FAM210A: variants seen among roughly 807,000 people sequenced by gnomAD.
The protein encoded by FAM210A is family with sequence similarity 210 member A.
FAM210A carries 13 observed loss-of-function variants against 25.3 expected under a neutral mutation model. The observed-to-expected ratio is 0.51, with a 90% CI of 0.33 to 0.82. The LOEUF (loss-of-function observed/expected upper bound fraction) is 0.82. FAM210A is among the 40% of genes least tolerant of loss of function. FAM210A has a pLI of 0.02. For synonymous variants in FAM210A, 125 were observed against 118.7 expected (o/e 1.05, Z -0.35); for missense variants, 319 against 323.2 (o/e 0.99, Z 0.10).
At chr18:13,707,516 T>C (rs1203071241) in intron 1 of FAM210A, among the ~76,000 whole-genome samples, 1 of 152,160 alleles carries the variant, frequency 6.6e-6, no homozygotes, top group Admixed American at 6.5e-5. Context: ...TTCCCAGTGG[T>C]TTTCAAAACC....
chr18:13,718,438 T>TA (rs1430378770), intron 1 of FAM210A, among the ~76,000 whole-genome samples: 1 of 152,070 alleles, frequency 6.6e-6, no homozygotes, highest in Non-Finnish European at 1.5e-5. Context: ...AGAGGCCCCT[T>TA]AGTATCATCC....
At chr18:13,717,081 A>G (rs2043866898) in intron 1 of FAM210A, among the ~76,000 whole-genome samples, 1 of 152,208 alleles carries the variant, frequency 6.6e-6, no homozygotes, top group East Asian at 1.9e-4. Context: ...TGCAGCTGAA[A>G]GCAGCTTACT....
At chr18:13,687,630 G>GCA (rs1221288656) in intron 1 of FAM210A, 3 of 152,190 alleles carry the variant, frequency 2.0e-5, no homozygotes, top group Admixed American at 2.0e-4. Context: ...TGTAAGGAGG[G>GCA]CACTGTACAT....
chr18:13,674,257 A>G (rs1447598666), intron 2 of FAM210A, among the ~76,000 whole-genome samples: 3 of 69,992 alleles, frequency 4.3e-5, no homozygotes, highest in Non-Finnish European at 7.8e-5. Flanking sequence ...GATTATTAAC[A>G]TTCCTGAGCC....
intron 1 of FAM210A, among the ~76,000 whole-genome samples, chr18:13,692,718 T>C (rs2043657489): frequency 6.6e-6 from 1 of 152,188 alleles, no homozygotes; most frequent in Non-Finnish European, 1.5e-5. Context: ...AGACACAACA[T>C]ACCAGAATCT....
intron 1 of FAM210A, among the ~76,000 whole-genome samples, chr18:13,705,012 G>C (rs1425888531): frequency 6.6e-6 from 1 of 152,114 alleles, no homozygotes; most frequent in East Asian, 1.9e-4. Context: ...CTTGAATACA[G>C]GTTTCTAATA....
chr18:13,720,263 CAGA>C (rs1394354883), intron 1 of FAM210A, among the ~76,000 whole-genome samples: 2 of 152,162 alleles, frequency 1.3e-5, no homozygotes, highest in African/African-American at 2.4e-5. Context: ...TTTCAAGCAC[CAGA>C]AGATCTGCTG....
chr18:13,696,913 C>A (rs2043699099), intron 1 of FAM210A, among the ~76,000 whole-genome samples: 1 of 152,196 alleles, frequency 6.6e-6, no homozygotes, highest in Admixed American at 6.5e-5. Context: ...CCCAGAGCAA[C>A]TTCCAGTACT....
rs567802716 is a variant in FAM210A, at chr18:13,685,722, A to C, written c.-28-3617T>G. ...TGCCTCCCTAAAACGTTTAAAGCCA[A>C]GCTGTAACCCAACTACCTTAGGCAC... On this transcript the variant is annotated intron_variant, in intron 1 of 3. Coordinates refer to ENST00000651643, the MANE Select transcript of FAM210A (RefSeq NM_152352.4). Among the ~76,000 whole-genome samples the C allele has an allele frequency of 2.8e-4, 43 of 152,324 alleles. No individual in the cohort carries two copies. In the Middle Eastern group the frequency reaches 0.017, roughly 60 times the overall value.
chr18:13,717,896 C>A (rs2043873235), intron 1 of FAM210A, among the ~76,000 whole-genome samples: 1 of 152,118 alleles, frequency 6.6e-6, no homozygotes, highest in Admixed American at 6.5e-5. Context: ...AAACAAGGTA[C>A]CGTATGATGA....
intron 3 of FAM210A, among the ~76,000 whole-genome samples, chr18:13,667,591 C>A (rs1035587186): frequency 3.3e-5 from 5 of 152,082 alleles, no homozygotes. Flanking sequence ...TGGTGGCAGG[C>A]ACCTGTAATC....
intron 1 of FAM210A, among the ~76,000 whole-genome samples, chr18:13,718,591 T>C (rs967917724): frequency 6.6e-6 from 1 of 152,138 alleles, no homozygotes; most frequent in African/African-American, 2.4e-5. Flanking sequence ...ATTGCTCATA[T>C]GTATAAATTG....
chr18:13,678,793 AAC>A (rs1249002499), intron 2 of FAM210A, among the ~76,000 whole-genome samples: 1 of 152,212 alleles, frequency 6.6e-6, no homozygotes, highest in Admixed American at 6.5e-5. Context: ...CAGATGAAGA[AAC>A]ACACAAGGAC....
chr18:13,720,536 C>T (rs1422782480), intron 1 of FAM210A, among the ~76,000 whole-genome samples: 2 of 152,108 alleles, frequency 1.3e-5, no homozygotes, highest in Non-Finnish European at 2.9e-5. Flanking sequence ...AGGTGGAAGG[C>T]CCCTGAATAT....
chr18:13,702,521 T>G (rs144690050), intron 1 of FAM210A, among the ~76,000 whole-genome samples: 205 of 152,332 alleles, frequency 1.3e-3, no homozygotes, highest in African/African-American at 4.6e-3. Context: ...CGGAGCTTGA[T>G]CCTGTGACCA....
intron 1 of FAM210A, among the ~76,000 whole-genome samples, chr18:13,704,569 G>C (rs116362244): frequency 0.012 from 1,890 of 152,232 alleles, 42 homozygotes; most frequent in African/African-American, 0.04. Flanking sequence ...TCAAATTTCA[G>C]CTTCAAAATT....
chr18:13,688,781 G>A (rs991046100), intron 1 of FAM210A, among the ~76,000 whole-genome samples: 5 of 152,242 alleles, frequency 3.3e-5, no homozygotes, highest in African/African-American at 4.8e-5. Context: ...GGGCCTTGGG[G>A]TTGCAGGCAC....
At chr18:13,702,018 C>T (rs1265980552) in intron 1 of FAM210A, among the ~76,000 whole-genome samples, 1 of 152,194 alleles carries the variant, frequency 6.6e-6, no homozygotes, top group African/African-American at 2.4e-5. Context: ...TGGGCAGCAA[C>T]TTGCAAAATT....
chr18:13,676,246 T>G (rs1459111702), intron 2 of FAM210A, among the ~76,000 whole-genome samples: 1 of 135,076 alleles, frequency 7.4e-6, no homozygotes, highest in African/African-American at 2.9e-5. Flanking sequence ...ATTATTAACA[T>G]TCCTGAGCCC....
Sources: gnomAD v4.1 joint callset for allele counts (sites outside exome capture counted in the v4.1 genomes callset) on GRCh38, gnomAD v4.1.1 for gene constraint, MANE v1.5 for transcripts, NCBI Gene and HGNC (gene_info 2026-07-23, HGNC 2026-07-21) for gene names.